DTD1: variants seen among roughly 807,000 people sequenced by gnomAD.
DTD1 encodes the protein D-tyrosyl-tRNA deacylase 1 homolog.
A neutral mutation model predicts 25.6 loss-of-function variants in DTD1; 13 were observed. That is an observed-to-expected ratio of 0.51 (90% CI 0.33 to 0.81). The LOEUF (loss-of-function observed/expected upper bound fraction) is 0.81. Ranked by LOEUF, DTD1 falls within the 30% of genes least tolerant of loss-of-function variation. The pLI is 0.02. For missense variants in DTD1, 193 were observed against 266.4 expected (o/e 0.72, Z 1.92); for synonymous variants, 110 against 103.6 (o/e 1.06, Z -0.37).
chr20:18,695,279 C>G (rs902352916), intron 4 of DTD1, among the ~76,000 whole-genome samples: 4 of 151,608 alleles, frequency 2.6e-5, no homozygotes, highest in African/African-American at 9.7e-5. Context: ...GAAGGTCTCT[C>G]GTTCAGGTGC....
In DTD1 at chr20:18,637,491, C is replaced by T. The variant is rs377478349; in HGVS notation, c.477+9258C>T. Among the ~76,000 whole-genome samples the T allele has an allele frequency of 1.3e-4, 20 of 152,264 alleles. No individual in the cohort carries two copies. In the East Asian group the frequency reaches 2.7e-3, roughly 21 times the overall value. The stretch of plus-strand genomic sequence containing the variant: ...AGATGAGCCCAACATGTGGATTGCT[C>T]AATGAGTGTGCAAGATTGTAGCAGT... On this transcript the variant is annotated intron_variant, in intron 4 of 5. Coordinates refer to ENST00000377452, the MANE Select transcript of DTD1 (RefSeq NM_080820.6).
intron 5 of DTD1, among the ~76,000 whole-genome samples, chr20:18,750,201 T>A (rs372964362): frequency 2.0e-5 from 3 of 152,196 alleles, no homozygotes; most frequent in Non-Finnish European, 4.4e-5. Context: ...AATGATATAT[T>A]TGGGGTTTTT....
At chr20:18,620,461 C>CA (rs1163964311) in intron 3 of DTD1, among the ~76,000 whole-genome samples, 1 of 152,150 alleles carries the variant, frequency 6.6e-6, no homozygotes, top group African/African-American at 2.4e-5. Context: ...GTGGCTTAGG[C>CA]AAAAAACCTC....
chr20:18,639,088 A>G (rs769670261), intron 4 of DTD1, among the ~76,000 whole-genome samples: 1 of 151,726 alleles, frequency 6.6e-6, no homozygotes, highest in African/African-American at 2.4e-5. Context: ...GACATTGGAC[A>G]TCAAGGAGTG....
At position 18,606,192 on chromosome 20, in the gene DTD1, A is replaced by G. The variant is rs879815643; in HGVS notation, c.370+9951A>G. 4.6e-4 allele frequency among the ~76,000 whole-genome samples: 68 copies of G among 149,282 alleles called. 1 individual carries two copies. The highest frequency in any genetic ancestry group is 2.5e-3 in the Admixed American group (37 of 14,932). ...ACATGAAAAAATGCTCATCATCACT[A>G]GCCATCAGAGAAATGCAAATCAAAA... is the stretch of plus-strand genomic sequence containing the variant. On this transcript the variant is annotated intron_variant, in intron 3 of 5. Coordinates refer to ENST00000377452, the MANE Select transcript of DTD1 (RefSeq NM_080820.6).
intron 4 of DTD1, among the ~76,000 whole-genome samples, chr20:18,690,604 T>C (rs2061042071): frequency 6.6e-6 from 1 of 152,206 alleles, no homozygotes; most frequent in Admixed American, 6.5e-5. Flanking sequence ...TAGGGAGTGC[T>C]TTCCCCATTG....
At chr20:18,711,026 G>C (rs1300096734) in intron 4 of DTD1, among the ~76,000 whole-genome samples, 1 of 152,154 alleles carries the variant, frequency 6.6e-6, no homozygotes, top group Non-Finnish European at 1.5e-5. Context: ...TTTGGGTCTG[G>C]ATCTTATGAT....
chr20:18,663,076 A>C (rs944259427), intron 4 of DTD1, among the ~76,000 whole-genome samples: 2 of 152,180 alleles, frequency 1.3e-5, no homozygotes, highest in African/African-American at 4.8e-5. Context: ...TATCCTACCC[A>C]GGTCAGAAGG....
chr20:18,632,010 G>A (rs1440522148), intron 4 of DTD1: 17 of 833,506 alleles, frequency 2.0e-5, no homozygotes, highest in Non-Finnish European at 2.3e-5. Context: ...ATTGTGCACT[G>A]GGAGTAGATT....
At chr20:18,743,433 CCTGTAAT>C (rs2068643125) in intron 4 of DTD1, among the ~76,000 whole-genome samples, 1 of 152,108 alleles carries the variant, frequency 6.6e-6, no homozygotes, top group Admixed American at 6.5e-5. Context: ...GTGGCTCACA[CCTGTAAT>C]CACAACACTT....
At chr20:18,754,679 T>C (rs984531759) in intron 5 of DTD1, among the ~76,000 whole-genome samples, 2 of 152,246 alleles carry the variant, frequency 1.3e-5, no homozygotes, top group East Asian at 1.9e-4. Context: ...CTTCCAGCTA[T>C]GTGAGCTGCG....
intron 5 of DTD1, among the ~76,000 whole-genome samples, chr20:18,757,784 A>G (rs1600226275): frequency 6.6e-6 from 1 of 152,340 alleles, no homozygotes; most frequent in East Asian, 1.9e-4. Context: ...TGCTGGCCTC[A>G]TAAAATGAGT....
chr20:18,628,944 C>T (rs1029508959), intron 4 of DTD1, among the ~76,000 whole-genome samples: 1 of 149,972 alleles, frequency 6.7e-6, no homozygotes, highest in Non-Finnish European at 1.5e-5. Context: ...AGTAAGGGGA[C>T]AGCGTGATAG....
intron 3 of DTD1, among the ~76,000 whole-genome samples, chr20:18,612,507 T>A (rs1489879656): frequency 6.6e-6 from 1 of 151,960 alleles, no homozygotes; most frequent in Non-Finnish European, 1.5e-5. Flanking sequence ...GTAGGTGAGG[T>A]GCAGCACGGT....
intron 4 of DTD1, among the ~76,000 whole-genome samples, chr20:18,661,691 A>G (rs946858022): frequency 1.3e-5 from 2 of 152,218 alleles, no homozygotes; most frequent in African/African-American, 2.4e-5. Context: ...GTCTTTAAAC[A>G]TGGTATTCCT....
chr20:18,683,896 T>C (rs1009750559), intron 4 of DTD1, among the ~76,000 whole-genome samples: 6 of 152,170 alleles, frequency 3.9e-5, no homozygotes, highest in African/African-American at 1.4e-4. Context: ...GCCTATTTCC[T>C]CAAAGCCCTG....
intron 3 of DTD1, among the ~76,000 whole-genome samples, chr20:18,608,438 T>C (rs1600314880): frequency 6.6e-6 from 1 of 152,292 alleles, no homozygotes; most frequent in East Asian, 1.9e-4. Flanking sequence ...TATGTGCTGC[T>C]GAAGCAAGCA....
chr20:18,697,887 C>A (rs1212472264), intron 4 of DTD1, among the ~76,000 whole-genome samples: 1 of 152,030 alleles, frequency 6.6e-6, no homozygotes, highest in Non-Finnish European at 1.5e-5. Flanking sequence ...GGTTTCACTG[C>A]GTTAGCCAGG....
chr20:18,602,947 A>G lies in DTD1; in HGVS notation c.370+6706A>G, dbSNP rs1487852371. Among the ~76,000 whole-genome samples the G allele has an allele frequency of 2.6e-5, 3 of 115,152 alleles. 1 individual carries two copies. The highest frequency in any genetic ancestry group is 3.9e-5 in the Non-Finnish European group (2 of 51,272). 75.5% of individuals were successfully genotyped at this position (115,152 alleles called of 152,430 possible). A position where few individuals can be genotyped will look rare whatever the true frequency, so the allele number is the denominator to read the frequency against. ...CAATATTAACTTTAAATGTAAATGG[A>G]CTAAATTCTCCAATTAAAAGACACA... On this transcript the variant is annotated intron_variant, in intron 3 of 5. Coordinates refer to ENST00000377452, the MANE Select transcript of DTD1 (RefSeq NM_080820.6).
Sources: allele counts gnomAD v4.1 joint callset (sites outside exome capture counted in the v4.1 genomes callset), GRCh38; gene constraint gnomAD v4.1.1; transcripts MANE v1.5; gene names NCBI Gene and HGNC (gene_info 2026-07-23, HGNC 2026-07-21).